Variants in PRDM5 observed in about 807,000 individuals in gnomAD.
PRDM5 encodes the protein PR/SET domain 5.
Under a neutral mutation model 81.2 loss-of-function variants are expected in PRDM5, and 56 were observed. That is an observed-to-expected ratio of 0.69 (90% CI 0.56 to 0.86). PRDM5 has a LOEUF of 0.86. Ranked by LOEUF, PRDM5 falls within the 40% of genes least tolerant of loss-of-function variation. The probability of loss-of-function intolerance (pLI) is 0.00; values close to 1 mark genes in which losing one functional copy is unlikely to be tolerated. For synonymous variants in PRDM5, 267 were observed against 256.4 expected, an observed-to-expected ratio of 1.04 and a Z score of -0.39; for missense variants, 697 against 770.1, an observed-to-expected ratio of 0.91 and a Z score of 1.12.
intron 3 of PRDM5, among the ~76,000 whole-genome samples, chr4:120,822,486 GAGA>G (rs1755410850): frequency 6.6e-6 from 1 of 152,184 alleles, no homozygotes; most frequent in South Asian, 2.1e-4. Context: ...GAAGACAAAG[GAGA>G]AGATGTGAGA....
At chr4:120,736,949 AC>A (rs1741204564) in intron 14 of PRDM5, among the ~76,000 whole-genome samples, 1 of 152,102 alleles carries the variant, frequency 6.6e-6, no homozygotes, top group Admixed American at 6.6e-5. Context: ...TTTAATCTTA[AC>A]CCCTAATAAC....
In PRDM5 at chr4:120,853,506, A is replaced by C; in HGVS notation, c.212T>G (p.Leu71Trp). The C allele has an allele frequency of 6.2e-7, 1 of 1,613,798 alleles. No homozygotes were observed. Among genetic ancestry groups the C allele is most frequent in the East Asian group, 2.2e-5 (1 of 44,874 alleles). ...GGAGTGCCGTGGGTTGGTAGCATCC[A>C]AAATGTACAAAACTTCTCCCTTACT... ...RGSKGEVLYI[L>W]DATNPRHSNW... Residue 71 changes from leucine to tryptophan, a missense_variant, in exon 3 of 16, where the codon TTG (leucine) becomes TGG (tryptophan). This residue lies in a region of PRDM5 where 577 missense variants were observed against 606.7 expected (regional missense o/e 0.95). Transcript: ENST00000264808.
chr4:120,781,727 A>G (rs1749065343), intron 11 of PRDM5, among the ~76,000 whole-genome samples: 1 of 152,144 alleles, frequency 6.6e-6, no homozygotes, highest in Non-Finnish European at 1.5e-5. Flanking sequence ...CTGTGAATAG[A>G]TAATAGGCAG....
intron 14 of PRDM5, among the ~76,000 whole-genome samples, chr4:120,716,648 G>GTAGATA (rs1449131537): frequency 4.6e-5 from 7 of 152,128 alleles, no homozygotes; most frequent in African/African-American, 1.7e-4. Flanking sequence ...ATAATTCATG[G>GTAGATA]CAGATACTAG....
chr4:120,763,960 C>T (rs1746003336), intron 13 of PRDM5, among the ~76,000 whole-genome samples: 1 of 150,404 alleles, frequency 6.6e-6, no homozygotes, highest in African/African-American at 2.4e-5. Flanking sequence ...AGATATAAAA[C>T]CTTCCCCAGC....
At chr4:120,839,046 C>A (rs1198886280) in intron 3 of PRDM5, 2 of 572,920 alleles carry the variant, frequency 3.5e-6, no homozygotes, top group Non-Finnish European at 6.3e-6. Flanking sequence ...ACAGCTGACA[C>A]CAGGGAACAC....
chr4:120,868,940 G>A (rs1006803654), intron 2 of PRDM5, among the ~76,000 whole-genome samples: 13 of 151,958 alleles, frequency 8.6e-5, no homozygotes, highest in Non-Finnish European at 1.3e-4. Context: ...ATGCAAATTG[G>A]AAACAACTTG....
intron 14 of PRDM5, among the ~76,000 whole-genome samples, chr4:120,718,226 C>T (rs1396085948): frequency 6.6e-6 from 1 of 152,066 alleles, no homozygotes; most frequent in Non-Finnish European, 1.5e-5. Context: ...TTCCATGTGA[C>T]CAACCTGGAT....
In PRDM5 at chr4:120,853,513, A is replaced by G. The variant is rs1443942635; in HGVS notation, c.205T>C (p.Tyr69His). 1.9e-6 allele frequency: 3 copies of G among 1,613,762 alleles called. No homozygotes were observed. The highest frequency in any genetic ancestry group is 2.5e-6 in the Non-Finnish European group (3 of 1,179,730). The part of the protein sequence containing the change: ...EVRGSKGEVL[Y>H]ILDATNPRHS... ...CGTGGGTTGGTAGCATCCAAAATGT[A>G]CAAAACTTCTCCCTTACTCCCACGA... Residue 69 changes from tyrosine to histidine, a missense_variant, in exon 3 of 16, where the codon TAC becomes CAC. Coordinates refer to ENST00000264808, the MANE Select transcript of PRDM5 (RefSeq NM_018699.4).
At chr4:120,870,526 C>T (rs1316502064) in intron 2 of PRDM5, among the ~76,000 whole-genome samples, 1 of 152,058 alleles carries the variant, frequency 6.6e-6, no homozygotes, top group East Asian at 1.9e-4. Flanking sequence ...CTTGGGTATT[C>T]AGAGAATAGC....
At chr4:120,709,609 T>C (rs1210578581) in intron 15 of PRDM5, among the ~76,000 whole-genome samples, 1 of 152,212 alleles carries the variant, frequency 6.6e-6, no homozygotes, top group Non-Finnish European at 1.5e-5. Flanking sequence ...CACTGTGCCA[T>C]ATCACACAGC....
intron 1 of PRDM5, among the ~76,000 whole-genome samples, chr4:120,920,033 G>A (rs1724696662): frequency 6.6e-6 from 1 of 152,134 alleles, no homozygotes; most frequent in Non-Finnish European, 1.5e-5. Context: ...GGTAAAGCCA[G>A]GGAATTAGGT....
chr4:120,752,062 T>C (rs1393337811), intron 14 of PRDM5, among the ~76,000 whole-genome samples: 1 of 152,206 alleles, frequency 6.6e-6, no homozygotes, highest in Non-Finnish European at 1.5e-5. Context: ...AGTATCTTTT[T>C]TGAATGGAGT....
chr4:120,729,027 C>A (rs1017517175), intron 14 of PRDM5, among the ~76,000 whole-genome samples: 4 of 152,068 alleles, frequency 2.6e-5, no homozygotes, highest in African/African-American at 9.7e-5. Context: ...TCTAGGACCC[C>A]GCAGGAGACG....
At chr4:120,707,321 GA>G (rs71597092) in intron 15 of PRDM5, among the ~76,000 whole-genome samples, 32,878 of 146,656 alleles carry the variant, frequency 0.22, 3,829 homozygotes, top group Non-Finnish European at 0.28. Flanking sequence ...AGAACAAAGG[GA>G]AAAAAAAAAC....
chr4:120,845,462 G>A (rs754498288), intron 3 of PRDM5, among the ~76,000 whole-genome samples: 4 of 152,122 alleles, frequency 2.6e-5, no homozygotes, highest in Admixed American at 2.0e-4. Context: ...CTCTGCCTAT[G>A]TTTTATCGAT....
intron 14 of PRDM5, among the ~76,000 whole-genome samples, chr4:120,731,167 G>A (rs943335801): frequency 6.6e-6 from 1 of 152,102 alleles, no homozygotes; most frequent in Non-Finnish European, 1.5e-5. Flanking sequence ...TAGGCAGTCA[G>A]CTAGACCCTG....
chr4:120,722,054 C>T (rs1161822121), intron 14 of PRDM5, among the ~76,000 whole-genome samples: 2 of 152,218 alleles, frequency 1.3e-5, no homozygotes, highest in Non-Finnish European at 2.9e-5. Context: ...AGCCACTGCC[C>T]CTGAAGGCAA....
At chr4:120,826,588 A>T (rs1756023194) in intron 3 of PRDM5, among the ~76,000 whole-genome samples, 2 of 152,088 alleles carry the variant, frequency 1.3e-5, no homozygotes, top group South Asian at 2.1e-4. Context: ...CAATATTTTT[A>T]AAATAATAGG....
Sources: gnomAD v4.1 joint callset for allele counts (sites outside exome capture counted in the v4.1 genomes callset) on GRCh38, gnomAD v4.1.1 for gene constraint, gnomAD v4.1.1 regional missense constraint, MANE v1.5 for transcripts, NCBI Gene and HGNC (gene_info 2026-07-23, HGNC 2026-07-21) for gene names.